Variants in OTUD7B observed in about 807,000 individuals in gnomAD.
The protein encoded by OTUD7B is OTU deubiquitinase 7B, also known as OTU domain-containing protein 7B.
OTUD7B carries 34 observed loss-of-function variants against 82.2 expected under a neutral mutation model. That is an observed-to-expected ratio of 0.41 (90% CI 0.31 to 0.55). The LOEUF (loss-of-function observed/expected upper bound fraction) is 0.55. Among genes scored for constraint, OTUD7B ranks in the 20% least tolerant of loss-of-function variants. OTUD7B has a pLI of 0.20. For synonymous variants in OTUD7B, 398 were observed against 402.7 expected (o/e 0.99, Z 0.14); for missense variants, 944 against 1,062.1 (o/e 0.89, Z 1.55).
chr1:149,949,165 T>A, intron 9 of OTUD7B, 82 bp from the exon 10 acceptor site: 1 of 811,702 alleles, frequency 1.2e-6, no homozygotes, highest in Non-Finnish European at 2.1e-6. Flanking sequence ...ACTAAAATCA[T>A]ACTAAGGTCT....
chr1:150,009,093 A>C (rs1341874200), intron 1 of OTUD7B, among the ~76,000 whole-genome samples: 1 of 152,188 alleles, frequency 6.6e-6, no homozygotes, highest in African/African-American at 2.4e-5. Context: ...ATGAAGACAA[A>C]GCGTATAATT....
the OTUD7B span, among the ~76,000 whole-genome samples, chr1:150,036,128 T>A: frequency 7.6e-4 from 116 of 152,040 alleles, no homozygotes; most frequent in African/African-American, 2.1e-3. Flanking sequence ...AATTTTTGTA[T>A]TTTTTTGTAG....
At chr1:150,028,653 A>G in the OTUD7B span, among the ~76,000 whole-genome samples, 2 of 151,196 alleles carry the variant, frequency 1.3e-5, no homozygotes, top group African/African-American at 4.9e-5. Flanking sequence ...TTCTGTCTCT[A>G]TATTTTTTAT....
In OTUD7B at chr1:149,956,050, T is replaced by C. The variant is rs587614538; in HGVS notation, c.845+3634A>G. ...GCCCATTTACATTTAAGGTTAATACTGTTATGTGTGAATTTGATCCTGTCA... is the reference window on the plus strand; with the variant it reads ...GCCCATTTACATTTAAGGTTAATACCGTTATGTGTGAATTTGATCCTGTCA... On this transcript the variant is annotated intron_variant, in intron 7 of 11. Coordinates refer to ENST00000581312, the MANE Select transcript of OTUD7B (RefSeq NM_020205.4). Among the ~76,000 whole-genome samples the C allele has an allele frequency of 1.4e-4, 21 of 152,352 alleles. No homozygotes were observed. In the East Asian group the frequency reaches 2.3e-3, roughly 17 times the overall value.
the OTUD7B span, among the ~76,000 whole-genome samples, chr1:150,063,698 A>C: frequency 6.6e-6 from 1 of 152,208 alleles, no homozygotes; most frequent in Non-Finnish European, 1.5e-5. Flanking sequence ...GGAATCACTG[A>C]AATTATTGAA....
chr1:150,044,784 C>T, the OTUD7B span, among the ~76,000 whole-genome samples: 2 of 151,858 alleles, frequency 1.3e-5, no homozygotes, highest in African/African-American at 4.8e-5. Flanking sequence ...AAAATAAACA[C>T]ATCTACTCCT....
At chr1:149,959,333 T>G (rs1559836157) in intron 7 of OTUD7B, among the ~76,000 whole-genome samples, 1 of 152,182 alleles carries the variant, frequency 6.6e-6, no homozygotes, top group Non-Finnish European at 1.5e-5. Context: ...TTCAAAGTGC[T>G]GAGATTACAG....
Position 149,944,918 on chromosome 1 carries a change from C to T in OTUD7B, c.1471G>A (p.Asp491Asn). 1 of 1,614,198 alleles carries T rather than the reference C, an allele frequency of 6.2e-7. No homozygotes were observed. Among genetic ancestry groups the T allele is most frequent in the Non-Finnish European group, 8.5e-7 (1 of 1,180,052 alleles). Residue 491 changes from aspartate (D) to asparagine (N), a missense_variant, in exon 12 of 12, where the codon GAT (aspartate) becomes AAT (asparagine). Asp to Asn is a conservative substitution (Grantham distance 23). This residue lies in a region of OTUD7B where 530 missense variants were observed against 625.6 expected (regional missense o/e 0.85). Coordinates refer to ENST00000581312, the MANE Select transcript of OTUD7B (RefSeq NM_020205.4). ...GGRRKEKSKR[D>N]REKDKKRADS... is the part of the protein sequence containing the mutation. ...GCTCTCTTCTTGTCCTTCTCCCGAT[C>T]TCGCTTTGACTTCTCCTTCCGCCGG...
chr1:149,964,139 A>T, intron 6 of OTUD7B, 83 bp downstream of exon 6: 1 of 1,516,118 alleles, frequency 6.6e-7, no homozygotes, highest in Non-Finnish European at 9.0e-7. Context: ...ACACTTGGAA[A>T]TATTTTCTAC....
At chr1:150,052,149 T>C in the OTUD7B span, among the ~76,000 whole-genome samples, 21 of 152,240 alleles carry the variant, frequency 1.4e-4, no homozygotes, top group Admixed American at 1.2e-3. Context: ...CTATTCAACA[T>C]AGTATTGGAA....
intron 1 of OTUD7B, among the ~76,000 whole-genome samples, chr1:149,982,485 G>A (rs1571687121): frequency 6.6e-6 from 1 of 152,142 alleles, no homozygotes; most frequent in South Asian, 2.1e-4. Flanking sequence ...TTAGAGACAA[G>A]GTCTAGCTCT....
At chr1:149,955,770 T>C (rs1197051641) in intron 7 of OTUD7B, among the ~76,000 whole-genome samples, 3 of 152,218 alleles carry the variant, frequency 2.0e-5, no homozygotes, top group South Asian at 2.1e-4. Context: ...TCCTGTTGAA[T>C]TGATCCCTTT....
At position 149,944,617 on chromosome 1, in the gene OTUD7B, T is replaced by A. The variant is rs587619958; in HGVS notation, c.1772A>T (p.Glu591Val). The A allele has an allele frequency of 1.9e-6, 3 of 1,613,950 alleles. No individual in the cohort carries two copies. The South Asian group carries it at 3.3e-5, about 18-fold the overall frequency. ...CAGAATGCTCAGGCTCTGCATCACC[T>A]CCTGGCTATACTTGCTCCCTCCGTT... ...VGNGGSKYSQEVMQSLSILRT... is the reference protein window; with the variant it reads ...VGNGGSKYSQVVMQSLSILRT... The change falls in exon 12 of 12, where the codon GAG becomes GTG. Residue 591 changes from glutamate to valine, a missense_variant. This residue lies in a region of OTUD7B where 412 missense variants were observed against 418.7 expected (regional missense o/e 0.98). Coordinates refer to ENST00000581312, the MANE Select transcript of OTUD7B (RefSeq NM_020205.4).
intron 2 of OTUD7B, among the ~76,000 whole-genome samples, chr1:149,973,906 G>T (rs1364117280): frequency 6.4e-5 from 9 of 141,438 alleles, no homozygotes; most frequent in African/African-American, 2.4e-4. Flanking sequence ...TGCCCAGGCT[G>T]GAGTGCAGTG....
At chr1:150,045,682 G>A in the OTUD7B span, among the ~76,000 whole-genome samples, 3 of 152,160 alleles carry the variant, frequency 2.0e-5, no homozygotes, top group South Asian at 6.2e-4. Context: ...TAGTCTGTTT[G>A]TTACAGTCCT....
the OTUD7B span, chr1:150,054,057 G>T: frequency 2.7e-6 from 1 of 373,966 alleles, no homozygotes; most frequent in Non-Finnish European, 5.0e-6. Context: ...ATGTATTCCA[G>T]AAAGGCCACG....
intron 1 of OTUD7B, among the ~76,000 whole-genome samples, chr1:150,005,044 T>A (rs1652574578): frequency 1.3e-5 from 2 of 152,022 alleles, no homozygotes; most frequent in South Asian, 4.1e-4. Context: ...TTTATTAAGA[T>A]CTGAAATGAG....
the OTUD7B span, among the ~76,000 whole-genome samples, chr1:150,047,000 G>A: frequency 6.6e-6 from 1 of 152,080 alleles, no homozygotes; most frequent in Non-Finnish European, 1.5e-5. Context: ...GAACCCGGGA[G>A]GCGGAGATTG....
At chr1:149,965,068 T>C (rs1553776253) in intron 5 of OTUD7B, among the ~76,000 whole-genome samples, 1 of 151,352 alleles carries the variant, frequency 6.6e-6, no homozygotes, top group Non-Finnish European at 1.5e-5. Flanking sequence ...AATTTTTTTA[T>C]TTTTAGTAGA....
Sources: allele counts gnomAD v4.1 joint callset (sites outside exome capture counted in the v4.1 genomes callset), GRCh38; gene constraint gnomAD v4.1.1; regional missense constraint gnomAD v4.1.1; transcripts MANE v1.5; gene names NCBI Gene and HGNC (gene_info 2026-07-23, HGNC 2026-07-21).